The following USP6NL variants were observed in gnomAD, a reference collection of about 807,000 sequenced individuals.
USP6NL encodes the protein USP6 N-terminal-like protein.
A neutral mutation model predicts 61.9 loss-of-function variants in USP6NL; 26 were observed. That is an observed-to-expected ratio of 0.42 (90% confidence interval 0.31 to 0.58). USP6NL has a LOEUF of 0.58. Among genes scored for constraint, USP6NL ranks in the 20% least tolerant of loss-of-function variants. The pLI, the probability that USP6NL is intolerant of heterozygous loss-of-function variation, is 0.16. For missense variants in USP6NL, 1,114 were observed against 1,034.3 expected, an observed-to-expected ratio of 1.08 and a Z score of -1.06; for synonymous variants, 432 against 390.1, an observed-to-expected ratio of 1.11 and a Z score of -1.27.
At chr10:11,534,652 T>C (rs1421870085) in intron 2 of USP6NL, among the ~76,000 whole-genome samples, 1 of 152,176 alleles carries the variant, frequency 6.6e-6, no homozygotes, top group Non-Finnish European at 1.5e-5. Context: ...CAGTCTGACA[T>C]GACGTAAAAT....
intron 7 of USP6NL, among the ~76,000 whole-genome samples, chr10:11,493,782 T>C (rs962379075): frequency 4.7e-5 from 7 of 148,700 alleles, no homozygotes; most frequent in South Asian, 2.2e-4. Flanking sequence ...TCTGGGCCTG[T>C]TCCTGCCTGT....
intron 2 of USP6NL, among the ~76,000 whole-genome samples, chr10:11,573,183 T>C (rs772035534): frequency 7.2e-4 from 109 of 152,296 alleles, no homozygotes; most frequent in Non-Finnish European, 1.1e-3. Context: ...ATAAAAATCA[T>C]CTAGTTCTTA....
chr10:11,506,792 G>T (rs1834458819), intron 6 of USP6NL, among the ~76,000 whole-genome samples: 1 of 150,826 alleles, frequency 6.6e-6, no homozygotes, highest in South Asian at 2.1e-4. Flanking sequence ...TCCCTACCAG[G>T]GCTATATTTT....
chr10:11,488,095 T>C (rs1297217444), intron 10 of USP6NL, among the ~76,000 whole-genome samples: 2 of 152,160 alleles, frequency 1.3e-5, no homozygotes, highest in Non-Finnish European at 2.9e-5. Flanking sequence ...TATGAACAAA[T>C]GCCACTTTTA....
Position 11,493,126 on chromosome 10 carries a change from C to T in USP6NL, c.487G>A (p.Gly163Ser). Residue 163 changes from glycine (G) to serine (S), a missense_variant, in exon 8 of 15, where the codon GGT becomes AGT. Transcript: ENST00000609104. ...RDHIMFRDRY[G>S]VKQQSLFHVL... ...ATATTAAACTTTACTCACTTAACAC[C>T]ATATCTGTCTCTAAACATAATGTGG... The T allele has an allele frequency of 1.2e-6, 2 of 1,606,110 alleles. No individual in the cohort carries two copies. The highest frequency in any genetic ancestry group is 2.2e-5 in the South Asian group (2 of 89,162).
rs1836991828 is a variant in USP6NL at position 11,562,773 on chromosome 10, T to C, written c.4+34858A>G. On this transcript the variant is annotated intron_variant, in intron 2 of 14. Coordinates refer to ENST00000609104, the MANE Select transcript of USP6NL (RefSeq NM_014688.5). This position sits in a 1 kb window ranked among gnomAD's most constrained non-coding sequence, Gnocchi z 4.8. The stretch of plus-strand genomic sequence containing the variant: ...TCCACACAGTACAATCATAAGTGAA[T>C]TGCCTAATTTCTCAGTATTCTAGTT... 2 of 985,132 alleles carry C rather than the reference T, an allele frequency of 2.0e-6. No individual in the cohort carries two copies. The highest frequency in any genetic ancestry group is 1.7e-5 in the African/African-American group (1 of 57,252). 61.0% of individuals were successfully genotyped at this position (985,132 alleles called of 1,614,324 possible).
rs1190819331 is a variant in USP6NL at position 11,555,471 on chromosome 10, AAGAG to A, written c.5-27908_5-27905del. Among the ~76,000 whole-genome samples the A allele has an allele frequency of 3.4e-3, 214 of 62,178 alleles. 3 individuals are homozygous for A. Among genetic ancestry groups the A allele is most frequent in the African/African-American group, 0.013 (177 of 14,038 alleles). 40.8% of individuals were successfully genotyped at this position (62,178 alleles called of 152,430 possible). Reference sequence around the variant, plus strand: ...ATATATAGAGAGAGAGAGAGAGAGAAAGAGAGAGAGAGAGAGAGAGAGAAGAGGA... The same window carrying A: ...ATATATAGAGAGAGAGAGAGAGAGAAAGAGAGAGAGAGAGAGAGAAGAGGA... On this transcript the variant is annotated intron_variant, in intron 2 of 14. Transcript: ENST00000609104.
In USP6NL at chr10:11,608,363, T is replaced by C. The variant is rs58661007; in HGVS notation, c.-84+3080A>G. Among the ~76,000 whole-genome samples the C allele has an allele frequency of 4.0e-3, 605 of 152,320 alleles. 2 individuals carry two copies. Among genetic ancestry groups the C allele is most frequent in the African/African-American group, 0.014 (582 of 41,566 alleles). On this transcript the variant is annotated intron_variant, in intron 1 of 14. Transcript: ENST00000609104. ...TATGGAACAAAGCTGAGCTGCTTCATTCAGATGATCCAAGAACAGTGCCAA... is the reference window on the plus strand; with the variant it reads ...TATGGAACAAAGCTGAGCTGCTTCACTCAGATGATCCAAGAACAGTGCCAA...
At chr10:11,524,975 A>G (rs925490944) in intron 4 of USP6NL, among the ~76,000 whole-genome samples, 1 of 152,222 alleles carries the variant, frequency 6.6e-6, no homozygotes, top group Non-Finnish European at 1.5e-5. Context: ...TTATAACTAT[A>G]AGGAAGATGA....
intron 2 of USP6NL, among the ~76,000 whole-genome samples, chr10:11,578,790 G>T (rs1210728819): frequency 6.6e-6 from 1 of 152,130 alleles, no homozygotes; most frequent in Non-Finnish European, 1.5e-5. Context: ...GAATTTAAAA[G>T]CTACAATAAA....
rs79489761 is a variant in USP6NL at position 11,478,199 on chromosome 10, G to A, written c.1078+3571C>T. 0.068 allele frequency among the ~76,000 whole-genome samples: 10,407 copies of A among 152,276 alleles called. 495 individuals are homozygous for A. The highest frequency in any genetic ancestry group is 0.13 in the African/African-American group (5,329 of 41,538). On this transcript the variant is annotated intron_variant, in intron 14 of 14. Transcript: ENST00000609104. This position sits in a 1 kb window ranked among gnomAD's most constrained non-coding sequence, Gnocchi z 6.8. Reference sequence around the variant, plus strand: ...GACGTGGCACCCCTGCTTTGACTCTGTTTGGGTCTCCTCTGCAGAGCCCCT... The same window carrying A: ...GACGTGGCACCCCTGCTTTGACTCTATTTGGGTCTCCTCTGCAGAGCCCCT...
chr10:11,509,515 T>C, intron 6 of USP6NL, 80 bp downstream of exon 6: 1 of 1,314,448 alleles, frequency 7.6e-7, no homozygotes, highest in Non-Finnish European at 1.0e-6. Context: ...AACACTCTTA[T>C]AATTAAAGAA....
intron 2 of USP6NL, among the ~76,000 whole-genome samples, chr10:11,581,964 G>A (rs781592212): frequency 4.0e-5 from 6 of 151,832 alleles, no homozygotes; most frequent in Non-Finnish European, 8.8e-5. Flanking sequence ...GGTGGTGGTG[G>A]TGGTTGTTGT....
intron 2 of USP6NL, among the ~76,000 whole-genome samples, chr10:11,554,120 C>A (rs1032638779): frequency 1.3e-5 from 2 of 152,110 alleles, no homozygotes; most frequent in Admixed American, 1.3e-4. Flanking sequence ...ATTTGTATTG[C>A]AGACAGAAGG....
chr10:11,509,550 T>C (rs1409453947), intron 6 of USP6NL, 45 bp downstream of exon 6: 1 of 1,405,092 alleles, frequency 7.1e-7, no homozygotes, highest in East Asian at 2.6e-5. Flanking sequence ...AAAATCCACA[T>C]TGAGTTTATA....
chr10:11,525,251 T>G lies in USP6NL; in HGVS notation c.155+135A>C. The G allele has an allele frequency of 1.7e-6, 1 of 605,802 alleles. No individual in the cohort carries two copies. Among genetic ancestry groups the G allele is most frequent in the Non-Finnish European group, 2.7e-6 (1 of 375,082 alleles). 37.5% of individuals were successfully genotyped at this position (605,802 alleles called of 1,614,324 possible). A position where few individuals can be genotyped will look rare whatever the true frequency, so the allele number is the denominator to read the frequency against. ...AGAGTTGTTAAAAGAAACCTAGGAATTTAGTATCAAAACGCATATTGTAAG... is the reference window on the plus strand; with the variant it reads ...AGAGTTGTTAAAAGAAACCTAGGAAGTTAGTATCAAAACGCATATTGTAAG... On this transcript the variant is annotated intron_variant, in intron 4 of 14. Coordinates refer to ENST00000609104, the MANE Select transcript of USP6NL (RefSeq NM_014688.5). This position sits in a 1 kb window ranked among gnomAD's most constrained non-coding sequence, Gnocchi z 5.0.
chr10:11,486,584 T>C (rs1474105556), intron 10 of USP6NL, among the ~76,000 whole-genome samples: 2 of 152,312 alleles, frequency 1.3e-5, no homozygotes, highest in African/African-American at 2.4e-5. Context: ...TGATATTCTA[T>C]ACAATCCATT....
chr10:11,591,805 A>T lies in USP6NL; in HGVS notation c.4+5826T>A, dbSNP rs1186788048. On this transcript the variant is annotated intron_variant, in intron 2 of 14. Transcript: ENST00000609104. This position sits in a 1 kb window ranked among gnomAD's most constrained non-coding sequence, Gnocchi z 4.7. Reference sequence around the variant, plus strand: ...AAGAATGTAAACCACCTCCCAAAAAATTTTTAACTTAAATATATAAGACTA... The same window carrying T: ...AAGAATGTAAACCACCTCCCAAAAATTTTTTAACTTAAATATATAAGACTA... Among the ~76,000 whole-genome samples the T allele has an allele frequency of 6.6e-6, 1 of 152,212 alleles. No homozygotes were observed. Among genetic ancestry groups the T allele is most frequent in the African/African-American group, 2.4e-5 (1 of 41,460 alleles).
chr10:11,493,257 A>C, intron 7 of USP6NL, 29 bp from the exon 8 acceptor site: 1 of 1,550,022 alleles, frequency 6.5e-7, no homozygotes, highest in Non-Finnish European at 8.8e-7. Context: ...AACAGAACAG[A>C]TTTTTATGGA....
Sources: gnomAD v4.1 joint callset for allele counts (sites outside exome capture counted in the v4.1 genomes callset) on GRCh38, gnomAD v4.1.1 for gene constraint, Gnocchi (gnomAD v3.1) non-coding constraint, MANE v1.5 for transcripts, NCBI Gene and HGNC (gene_info 2026-07-23, HGNC 2026-07-21) for gene names.